Variants in PRDM16 observed in about 807,000 individuals in gnomAD.
The protein encoded by PRDM16 is histone-lysine N-methyltransferase PRDM16.
Under a neutral mutation model 110.6 loss-of-function variants are expected in PRDM16, and 23 were observed. The observed-to-expected ratio is 0.21, with a 90% CI of 0.15 to 0.29. PRDM16 has a LOEUF of 0.29. Ranked by LOEUF, PRDM16 falls within the 10% of genes least tolerant of loss-of-function variation. PRDM16 has a pLI of 1.00. For synonymous variants in PRDM16, 799 were observed against 781.8 expected, an observed-to-expected ratio of 1.02 and a Z score of -0.37; for missense variants, 1,615 against 1,794.3, an observed-to-expected ratio of 0.90 and a Z score of 1.81.
chr1:3,207,022 GA>G, intron 2 of PRDM16: 1 of 152,384 alleles, frequency 6.6e-6, no homozygotes, highest in Non-Finnish European at 1.5e-5. Flanking sequence ...CAGGAAGGTG[GA>G]AAAGGCCCAT....
At chr1:3,259,367 A>C (rs1400222679) in intron 3 of PRDM16, among the ~76,000 whole-genome samples, 29 of 152,196 alleles carry the variant, frequency 1.9e-4, no homozygotes, top group Admixed American at 1.9e-3. Context: ...CTCCGTGTGC[A>C]AAGTCAGGCC....
At chr1:3,091,833 A>G (rs1323236907) in intron 1 of PRDM16, among the ~76,000 whole-genome samples, 1 of 152,186 alleles carries the variant, frequency 6.6e-6, no homozygotes, top group Non-Finnish European at 1.5e-5. Context: ...GACTCTGTGA[A>G]CCTGGAGAGA....
Position 3,425,492 on chromosome 1 carries a change from G to A in PRDM16, c.2940-89G>A. The A allele has an allele frequency of 7.0e-7, 1 of 1,424,378 alleles. No homozygotes were observed. The highest frequency in any genetic ancestry group is 9.6e-7 in the Non-Finnish European group (1 of 1,037,890). 88.2% of individuals were successfully genotyped at this position (1,424,378 alleles called of 1,614,324 possible). ...AGCTGTGCACGGGGCACGGGGCAGG[G>A]GCGCGGGCTCCCTTCCCCCCACCCT... On this transcript the variant is annotated intron_variant, in intron 12 of 16. Transcript: ENST00000270722. This position sits in a 1 kb window ranked among gnomAD's most constrained non-coding sequence, Gnocchi z 6.9.
chr1:3,291,382 C>T (rs976204980), intron 3 of PRDM16, among the ~76,000 whole-genome samples: 5 of 152,158 alleles, frequency 3.3e-5, no homozygotes, highest in South Asian at 2.1e-4. Flanking sequence ...TCCTCTGCAC[C>T]GCAGGGGCCA....
At chr1:3,222,566 T>A (rs1358060254) in intron 2 of PRDM16, among the ~76,000 whole-genome samples, 1 of 152,158 alleles carries the variant, frequency 6.6e-6, no homozygotes, top group East Asian at 1.9e-4. Context: ...GCTGGGTGTG[T>A]TTCATGGCCC....
chr1:3,162,351 G>A (rs1301866852), intron 1 of PRDM16, among the ~76,000 whole-genome samples: 1 of 152,048 alleles, frequency 6.6e-6, no homozygotes, highest in Non-Finnish European at 1.5e-5. Flanking sequence ...CCCTCCTCCC[G>A]CAGCCGCGAA....
chr1:3,412,501 T>G lies in PRDM16; in HGVS notation c.2304T>G (p.Ser768Arg), dbSNP rs199817629. The change falls in exon 9 of 17, where the codon AGT (serine) becomes AGG (arginine). Residue 768 changes from serine to arginine, a missense_variant. Coordinates refer to ENST00000270722, the MANE Select transcript of PRDM16 (RefSeq NM_022114.4). ...PRDALKVGGP[S>R]AECPFDLTTK... ...ACGCCCTCAAGGTGGGCGGCCCCAG[T>G]GCCGAGTGCCCCTTTGATCTCACCA... The G allele has an allele frequency of 1.2e-5, 19 of 1,613,256 alleles. No homozygotes were observed. Among genetic ancestry groups the G allele is most frequent in the Non-Finnish European group, 1.6e-5 (19 of 1,179,984 alleles).
intron 3 of PRDM16, among the ~76,000 whole-genome samples, chr1:3,341,400 G>T (rs866677181): frequency 8.3e-4 from 126 of 152,192 alleles, no homozygotes; most frequent in African/African-American, 2.9e-3. Flanking sequence ...GGAAGCAAGG[G>T]GGGCAACCTG....
At chr1:3,188,423 C>T (rs1644296666) in intron 2 of PRDM16, among the ~76,000 whole-genome samples, 1 of 152,198 alleles carries the variant, frequency 6.6e-6, no homozygotes, top group Admixed American at 6.5e-5. Flanking sequence ...GTGCCAGGCC[C>T]AGCGCAGACT....
intron 3 of PRDM16, among the ~76,000 whole-genome samples, chr1:3,251,326 C>T (rs965947244): frequency 2.2e-4 from 10 of 45,712 alleles, no homozygotes; most frequent in Non-Finnish European, 3.5e-4. Flanking sequence ...GGGGTGAGGG[C>T]GCAGCCGTGA....
chr1:3,182,289 G>A (rs532664334), intron 1 of PRDM16, among the ~76,000 whole-genome samples: 7 of 152,362 alleles, frequency 4.6e-5, no homozygotes, highest in South Asian at 2.1e-4. Flanking sequence ...CTCGGGCTGC[G>A]GGGAAGGGGT....
intron 14 of PRDM16, among the ~76,000 whole-genome samples, chr1:3,427,898 G>A (rs1440067670): frequency 6.6e-6 from 1 of 152,168 alleles, no homozygotes; most frequent in East Asian, 1.9e-4. Flanking sequence ...CCCTGGCCAC[G>A]CTGAGACAGC....
chr1:3,292,010 A>T (rs1032008348), intron 3 of PRDM16, among the ~76,000 whole-genome samples: 2 of 152,068 alleles, frequency 1.3e-5, no homozygotes, highest in Non-Finnish European at 2.9e-5. Flanking sequence ...ATGCCTTTAC[A>T]TCTTGTGTTT....
At chr1:3,279,695 G>C (rs867029166) in intron 3 of PRDM16, among the ~76,000 whole-genome samples, 1 of 152,250 alleles carries the variant, frequency 6.6e-6, no homozygotes, top group Non-Finnish European at 1.5e-5. Flanking sequence ...AGGGTCGGGG[G>C]AGTGGAGCTG....
At position 3,246,397 on chromosome 1, in the gene PRDM16, A is replaced by G. The variant is rs1446461976; in HGVS notation, c.438+2260A>G. On this transcript the variant is annotated intron_variant, in intron 3 of 16. Coordinates refer to ENST00000270722, the MANE Select transcript of PRDM16 (RefSeq NM_022114.4). The surrounding 1 kb of genome is among the most constrained non-coding windows in gnomAD (Gnocchi z 5.2). Reference sequence around the variant, plus strand: ...TCAGGTTCCGCCATCCCACGGAATCAGAGCAGACCCGATGCACGAGACCCC... The same window carrying G: ...TCAGGTTCCGCCATCCCACGGAATCGGAGCAGACCCGATGCACGAGACCCC... 6.6e-6 allele frequency among the ~76,000 whole-genome samples: 1 copy of G among 152,200 alleles called. No homozygotes were observed. Among genetic ancestry groups the G allele is most frequent in the African/African-American group, 2.4e-5 (1 of 41,462 alleles).
chr1:3,383,820 C>T (rs1643148160), intron 3 of PRDM16, among the ~76,000 whole-genome samples: 1 of 146,338 alleles, frequency 6.8e-6, no homozygotes, highest in Admixed American at 7.1e-5. Flanking sequence ...CGCCCAGACA[C>T]ACCTGCTCAA....
In PRDM16 at chr1:3,112,224, C is replaced by T. The variant is rs1642811728; in HGVS notation, c.37+42928C>T. On this transcript the variant is annotated intron_variant, in intron 1 of 16. Transcript: ENST00000270722. ...CATCACTTAAAAGGATTAAACGGAC[C>T]TCGGAGGAGCCTCGGCGTTTCACCC... Among the ~76,000 whole-genome samples, 7 of 152,284 alleles carry T rather than the reference C, an allele frequency of 4.6e-5. No individual in the cohort carries two copies. The South Asian group carries it at 1.5e-3, about 32-fold the overall frequency.
intron 2 of PRDM16, among the ~76,000 whole-genome samples, chr1:3,216,034 A>G (rs1246092913): frequency 6.6e-6 from 1 of 152,208 alleles, no homozygotes. Flanking sequence ...AATTTAAATT[A>G]TTCATACATT....
At chr1:3,401,590 G>T (rs1477342010) in intron 5 of PRDM16, among the ~76,000 whole-genome samples, 1 of 152,000 alleles carries the variant, frequency 6.6e-6, no homozygotes, top group Non-Finnish European at 1.5e-5. Context: ...ACCCATTGGC[G>T]CACACACACA....
Sources: allele counts gnomAD v4.1 joint callset (sites outside exome capture counted in the v4.1 genomes callset), GRCh38; gene constraint gnomAD v4.1.1; non-coding constraint Gnocchi (gnomAD v3.1); transcripts MANE v1.5; gene names NCBI Gene and HGNC (gene_info 2026-07-23, HGNC 2026-07-21).